COPE: variants seen among roughly 807,000 people sequenced by gnomAD.
COPE encodes coatomer subunit epsilon.
In COPE, 19 loss-of-function variants were observed where a neutral mutation model predicts 42.1. The ratio of observed to expected loss-of-function variants is 0.45; its 90% CI spans 0.31 to 0.66. The LOEUF is 0.66. Ranked by LOEUF, COPE falls within the 30% of genes least tolerant of loss-of-function variation. The pLI is 0.05. For synonymous variants in COPE, 195 were observed against 181.3 expected (o/e 1.08, Z -0.60); for missense variants, 402 against 416.1 (o/e 0.97, Z 0.30).
In COPE at chr19:18,904,920, TC is replaced by T. The variant is rs1378064864; in HGVS notation, c.498-69del. ...CCCTGGCCTGGCCATCCCTGCCTTG[TC>T]CCCACTTGGGGCCCACCGGAGCCTG... On this transcript the variant is annotated intron_variant, in intron 5 of 9. Transcript: ENST00000262812. 3.4e-6 allele frequency: 5 copies of T among 1,483,656 alleles called. No individual in the cohort carries two copies. In the African/African-American group the frequency reaches 7.0e-5, roughly 21 times the overall value. 91.9% of individuals were successfully genotyped at this position (1,483,656 alleles called of 1,614,324 possible).
chr19:18,919,118 C>A, intron 1 of COPE, 105 bp downstream of exon 1: 3 of 1,298,102 alleles, frequency 2.3e-6, no homozygotes, highest in Admixed American at 2.1e-5. Flanking sequence ...CCAAAAAACG[C>A]GAGAAGAAAA....
intron 1 of COPE, among the ~76,000 whole-genome samples, chr19:18,916,880 G>C (rs868336839): frequency 7.0e-6 from 1 of 142,398 alleles, no homozygotes; most frequent in Non-Finnish European, 1.5e-5. Context: ...ACAATCGCTT[G>C]AACCCAGGAG....
chr19:18,911,746 G>A (rs1470773931), intron 2 of COPE, among the ~76,000 whole-genome samples: 2 of 151,634 alleles, frequency 1.3e-5, no homozygotes, highest in South Asian at 2.1e-4. Flanking sequence ...TAGAGACGGG[G>A]TTTCACTGTG....
intron 1 of COPE, among the ~76,000 whole-genome samples, chr19:18,917,451 C>T (rs1475296597): frequency 2.0e-5 from 3 of 151,922 alleles, no homozygotes; most frequent in Non-Finnish European, 4.4e-5. Context: ...TCACTGCAAC[C>T]TCCACCTCCT....
At chr19:18,908,964 T>C (rs1359066350) in intron 3 of COPE, among the ~76,000 whole-genome samples, 11 of 152,134 alleles carry the variant, frequency 7.2e-5, no homozygotes, top group Admixed American at 7.2e-4. Context: ...TGCCACTGTA[T>C]GCCAGGCTGA....
chr19:18,911,161 T>C (rs1468461), intron 2 of COPE, 90 bp from the exon 3 acceptor site: 739,892 of 1,154,098 alleles, frequency 0.64, 243,860 homozygotes, highest in African/African-American at 0.86. Context: ...AGACAGGAAG[T>C]CCCTGCCCCA....
At chr19:18,906,295 T>C (rs530674531) in intron 4 of COPE, 1 of 228,882 alleles carries the variant, frequency 4.4e-6, no homozygotes, top group Admixed American at 5.8e-5. Flanking sequence ...ACTCAAGGGA[T>C]ACTCCTGCTT....
intron 2 of COPE, 92 bp downstream of exon 2, chr19:18,912,892 T>C (rs1601231555): frequency 7.8e-7 from 1 of 1,276,758 alleles, no homozygotes; most frequent in South Asian, 1.2e-5. Context: ...TTGTTTACTG[T>C]CCCCGCCACC....
At position 18,903,124 on chromosome 19, in the gene COPE, G is replaced by A. The variant is rs541675271; in HGVS notation, c.735+144C>T. On this transcript the variant is annotated intron_variant, in intron 7 of 9. Coordinates refer to ENST00000262812, the MANE Select transcript of COPE (RefSeq NM_007263.4). ...GTGAGATCCCTGCTTTGTGGATCTC[G>A]CTGCTGACTGGGCCTTAGAAGCCCT... is the stretch of plus-strand genomic sequence containing the variant. 89 of 792,878 alleles carry A rather than the reference G, an allele frequency of 1.1e-4. No homozygotes were observed. Among genetic ancestry groups the A allele is most frequent in the Non-Finnish European group, 1.5e-4 (82 of 550,870 alleles). 49.1% of individuals were successfully genotyped at this position (792,878 alleles called of 1,614,324 possible). A position where few individuals can be genotyped will look rare whatever the true frequency, so the allele number is the denominator to read the frequency against.
chr19:18,899,988 A>AC (rs770339361), intron 8 of COPE, 41 bp from the exon 9 acceptor site: 1 of 1,579,024 alleles, frequency 6.3e-7, no homozygotes, highest in Admixed American at 1.7e-5. Context: ...GAACACGGGG[A>AC]CCCCACGGTG....
chr19:18,911,219 G>T, intron 2 of COPE, 148 bp from the exon 3 acceptor site: 1 of 673,880 alleles, frequency 1.5e-6, no homozygotes, highest in Non-Finnish European at 2.7e-6. Flanking sequence ...GCAGTACACT[G>T]TGGAGGGTGG....
At chr19:18,911,326 T>C in intron 2 of COPE, 1 of 501,820 alleles carries the variant, frequency 2.0e-6, no homozygotes, top group Non-Finnish European at 3.7e-6. Flanking sequence ...TTACTGTCTA[T>C]CCCCTGGCAG....
At position 18,899,967 on chromosome 19, in the gene COPE, G is replaced by A. The variant is rs768176473; in HGVS notation, c.805-20C>T. ...TGTCACCTGCAGGGGAGGCAGGGAGGCAGGTGAGCCGAACACGGGGACCCC... is the reference window on the plus strand; with the variant it reads ...TGTCACCTGCAGGGGAGGCAGGGAGACAGGTGAGCCGAACACGGGGACCCC... On this transcript the variant is annotated intron_variant, in intron 8 of 9. Transcript: ENST00000262812. 3 of 1,607,958 alleles carry A rather than the reference G, an allele frequency of 1.9e-6. No homozygotes were observed. Among genetic ancestry groups the A allele is most frequent in the East Asian group, 4.5e-5 (2 of 44,826 alleles).
At chr19:18,902,772 AGAAGGAAGGAAGGAAGGAAG>A (rs71168781) in intron 7 of COPE, among the ~76,000 whole-genome samples, 1,020 of 31,958 alleles carry the variant, frequency 0.032, 291 homozygotes, top group Middle Eastern at 0.12. Flanking sequence ...AGGAAGGGAA[AGAAGGAAGGAAGGAAGGAAG>A]GAAGGAAGGA....
chr19:18,907,203 G>A, intron 3 of COPE, 91 bp from the exon 4 acceptor site: 1 of 1,439,722 alleles, frequency 6.9e-7, no homozygotes, highest in Non-Finnish European at 9.3e-7. Flanking sequence ...CAGGTCCAGA[G>A]AGGGTGAGCC....
chr19:18,915,015 C>T lies in COPE; in HGVS notation c.127-1969G>A, dbSNP rs527471013. Among the ~76,000 whole-genome samples the T allele has an allele frequency of 3.9e-5, 6 of 151,996 alleles. No individual in the cohort carries two copies. The South Asian group carries it at 6.3e-4, about 16-fold the overall frequency. On this transcript the variant is annotated intron_variant, in intron 1 of 9. Transcript: ENST00000262812. ...TGCTGGGATTACAGGCATGAGCCAC[C>T]GTGCCCGGTCTGAGACCCTGTGTCC...
chr19:18,908,928 A>T (rs1326401249), intron 3 of COPE, among the ~76,000 whole-genome samples: 2 of 152,058 alleles, frequency 1.3e-5, no homozygotes, highest in Non-Finnish European at 2.9e-5. Context: ...AGCCTGGGAG[A>T]TCAAGGCTGC....
chr19:18,916,324 G>A (rs1417400577), intron 1 of COPE, among the ~76,000 whole-genome samples: 1 of 151,614 alleles, frequency 6.6e-6, no homozygotes, highest in African/African-American at 2.4e-5. Context: ...CTGCACTCCA[G>A]CCTGGGTGAC....
intron 2 of COPE, among the ~76,000 whole-genome samples, chr19:18,912,105 C>T (rs1481140251): frequency 1.3e-5 from 2 of 152,160 alleles, no homozygotes; most frequent in African/African-American, 4.8e-5. Flanking sequence ...CCTTGGCCTC[C>T]CAAAGTGCTG....
Sources: gnomAD v4.1 joint callset for allele counts (sites outside exome capture counted in the v4.1 genomes callset) on GRCh38, gnomAD v4.1.1 for gene constraint, MANE v1.5 for transcripts, NCBI Gene and HGNC (gene_info 2026-07-23, HGNC 2026-07-21) for gene names.